Variants in NXPE2 observed in about 807,000 individuals in gnomAD.
NXPE2 encodes the protein neurexophilin and PC-esterase domain family member 2.
Under a neutral mutation model 34.4 loss-of-function variants are expected in NXPE2, and 34 were observed. The observed-to-expected ratio is 0.99, with a 90% CI of 0.75 to 1.31. The LOEUF (loss-of-function observed/expected upper bound fraction) is 1.31. Ranked by LOEUF, NXPE2 falls within the 40% of genes most tolerant of loss-of-function variation. NXPE2 has a pLI of 0.00. For synonymous variants in NXPE2, 235 were observed against 231.3 expected, an observed-to-expected ratio of 1.02 and a Z score of -0.15; for missense variants, 649 against 672.5, an observed-to-expected ratio of 0.97 and a Z score of 0.39.
the NXPE2 span, among the ~76,000 whole-genome samples, chr11:114,752,506 A>C: frequency 6.6e-6 from 1 of 152,184 alleles, no homozygotes; most frequent in Non-Finnish European, 1.5e-5. Context: ...AATCAGGGAG[A>C]TCATTGAGCA....
chr11:114,579,577 G>C, the NXPE2 span, among the ~76,000 whole-genome samples: 2 of 152,216 alleles, frequency 1.3e-5, no homozygotes, highest in Non-Finnish European at 2.9e-5. Flanking sequence ...AATGATGACA[G>C]TAATGATACC....
At chr11:114,610,236 G>T in the NXPE2 span, among the ~76,000 whole-genome samples, 2 of 151,824 alleles carry the variant, frequency 1.3e-5, no homozygotes, top group Non-Finnish European at 2.9e-5. Context: ...GTTGCCTCGT[G>T]GTTAACCACT....
At chr11:114,491,845 T>C in the NXPE2 span, among the ~76,000 whole-genome samples, 1 of 152,188 alleles carries the variant, frequency 6.6e-6, no homozygotes, top group African/African-American at 2.4e-5. Context: ...AATGAAGAGT[T>C]CATGTCCTTT....
the NXPE2 span, among the ~76,000 whole-genome samples, chr11:114,735,974 C>T: frequency 6.6e-5 from 10 of 151,978 alleles, no homozygotes; most frequent in Admixed American, 2.0e-4. Flanking sequence ...GCTGGGTGTC[C>T]GGGGGAGACA....
At chr11:114,520,094 G>T in the NXPE2 span, among the ~76,000 whole-genome samples, 456 of 152,150 alleles carry the variant, frequency 3.0e-3, 1 homozygote, top group African/African-American at 0.01. Flanking sequence ...AAGCCACCGT[G>T]CCTGGCCACA....
At chr11:114,663,554 CCTGT>C in the NXPE2 span, among the ~76,000 whole-genome samples, 2 of 151,254 alleles carry the variant, frequency 1.3e-5, no homozygotes, top group Non-Finnish European at 2.9e-5. Flanking sequence ...TTCACCATCT[CCTGT>C]CTATCTCTAT....
chr11:114,749,752 C>T, the NXPE2 span, among the ~76,000 whole-genome samples: 3 of 152,214 alleles, frequency 2.0e-5, no homozygotes, highest in African/African-American at 7.2e-5. Flanking sequence ...GTGTCTAACA[C>T]TCACACTGGC....
downstream of NXPE2, among the ~76,000 whole-genome samples, chr11:114,712,057 A>G (rs1303957189): frequency 6.6e-6 from 1 of 152,218 alleles, no homozygotes; most frequent in Non-Finnish European, 1.5e-5. Context: ...TGACATGCAA[A>G]AGAATGAAGC....
At chr11:114,611,946 C>A in the NXPE2 span, among the ~76,000 whole-genome samples, 2 of 152,052 alleles carry the variant, frequency 1.3e-5, no homozygotes, top group South Asian at 4.1e-4. Flanking sequence ...ACCACTGTTA[C>A]CTGGTAGATA....
the NXPE2 span, among the ~76,000 whole-genome samples, chr11:114,576,996 T>C: frequency 1.2e-5 from 1 of 85,866 alleles, no homozygotes; most frequent in South Asian, 4.2e-4. Flanking sequence ...TATATACATA[T>C]ATATATATAA....
chr11:114,504,683 A>G, the NXPE2 span, among the ~76,000 whole-genome samples: 2 of 152,190 alleles, frequency 1.3e-5, no homozygotes, highest in African/African-American at 4.8e-5. Flanking sequence ...CTGGCTTAAT[A>G]TGCTTTATAT....
At chr11:114,696,149 C>A (rs1475619249) in intron 2 of NXPE2, among the ~76,000 whole-genome samples, 1 of 151,742 alleles carries the variant, frequency 6.6e-6, no homozygotes, top group African/African-American at 2.4e-5. Flanking sequence ...CCAGCCTGGG[C>A]AACATGGTAA....
At chr11:114,530,289 T>C in the NXPE2 span, 2 of 1,614,226 alleles carry the variant, frequency 1.2e-6, no homozygotes, top group East Asian at 4.5e-5. Context: ...ATAGAAGGCT[T>C]CTTGGTCTCT....
the NXPE2 span, among the ~76,000 whole-genome samples, chr11:114,646,912 C>T: frequency 8.5e-4 from 130 of 152,244 alleles, 1 homozygote; most frequent in Middle Eastern, 3.4e-3. Context: ...TGATATTATA[C>T]TCACTAGAAA....
chr11:114,475,285 C>T, the NXPE2 span, among the ~76,000 whole-genome samples: 9 of 126,078 alleles, frequency 7.1e-5, no homozygotes, highest in African/African-American at 2.8e-4. Flanking sequence ...GCTCTGTCGC[C>T]CAGGCTAGAG....
the NXPE2 span, among the ~76,000 whole-genome samples, chr11:114,715,753 A>G: frequency 2.0e-5 from 3 of 152,196 alleles, no homozygotes; most frequent in Admixed American, 1.3e-4. Context: ...AAAATGTTTA[A>G]ATGCTTTTCT....
At chr11:114,509,727 A>T in the NXPE2 span, among the ~76,000 whole-genome samples, 1 of 152,194 alleles carries the variant, frequency 6.6e-6, no homozygotes, top group Non-Finnish European at 1.5e-5. Context: ...TGACGAAGAC[A>T]CATGGACACA....
the NXPE2 span, among the ~76,000 whole-genome samples, chr11:114,490,221 G>A: frequency 6.6e-6 from 1 of 152,192 alleles, no homozygotes; most frequent in Admixed American, 6.5e-5. Context: ...ACAATCAAAT[G>A]GAAGAACATT....
the NXPE2 span, among the ~76,000 whole-genome samples, chr11:114,621,399 C>A: frequency 6.6e-6 from 1 of 152,104 alleles, no homozygotes; most frequent in Non-Finnish European, 1.5e-5. Flanking sequence ...TCGTGGGTAA[C>A]CACAGTTACC....
Sources: gnomAD v4.1 joint callset for allele counts (sites outside exome capture counted in the v4.1 genomes callset) on GRCh38, gnomAD v4.1.1 for gene constraint, MANE v1.5 for transcripts, NCBI Gene and HGNC (gene_info 2026-07-23, HGNC 2026-07-21) for gene names.